The following DOP1B variants were observed in gnomAD, a reference collection of about 807,000 sequenced individuals.
The protein encoded by DOP1B is protein DOP1B.
A neutral mutation model predicts 233.5 loss-of-function variants in DOP1B; 174 were observed. That is an observed-to-expected ratio of 0.75 (90% confidence interval 0.66 to 0.85). The LOEUF is 0.85. Among genes scored for constraint, DOP1B ranks in the 40% least tolerant of loss-of-function variants. The probability of loss-of-function intolerance (pLI) is 0.00; values close to 1 mark genes in which losing one functional copy is unlikely to be tolerated. For synonymous variants in DOP1B, 1,190 were observed against 1,185.6 expected, an observed-to-expected ratio of 1.00 and a Z score of -0.08; for missense variants, 2,652 against 2,846.6, an observed-to-expected ratio of 0.93 and a Z score of 1.56.
intron 2 of DOP1B, chr21:36,170,612 T>C (rs943470179): frequency 1.4e-5 from 2 of 148,060 alleles, no homozygotes; most frequent in Admixed American, 6.8e-5. Context: ...TAAATAAATA[T>C]ATATATATAA....
chr21:36,250,616 C>T (rs2067021924), intron 21 of DOP1B, among the ~76,000 whole-genome samples: 1 of 152,100 alleles, frequency 6.6e-6, no homozygotes, highest in Admixed American at 6.6e-5. Flanking sequence ...TCATAAGTAG[C>T]AAAACAGAGG....
chr21:36,171,706 T>C (rs2065973227), intron 2 of DOP1B, among the ~76,000 whole-genome samples: 1 of 152,220 alleles, frequency 6.6e-6, no homozygotes, highest in African/African-American at 2.4e-5. Context: ...AGCCGCTCTC[T>C]TGACACCTTG....
At chr21:36,196,520 TC>T (rs1037537536) in intron 2 of DOP1B, among the ~76,000 whole-genome samples, 4 of 145,666 alleles carry the variant, frequency 2.7e-5, no homozygotes, top group African/African-American at 1.1e-4. Context: ...TCTCCTCTGT[TC>T]TTTTTTTTTT....
chr21:36,219,941 G>A (rs1181346303), intron 10 of DOP1B, among the ~76,000 whole-genome samples: 1 of 151,766 alleles, frequency 6.6e-6, no homozygotes, highest in South Asian at 2.1e-4. Flanking sequence ...GGGGGTGTTG[G>A]GGGAGATTGG....
chr21:36,216,607 T>A (rs1410097191), intron 9 of DOP1B, among the ~76,000 whole-genome samples: 1 of 152,072 alleles, frequency 6.6e-6, no homozygotes, highest in Admixed American at 6.6e-5. Context: ...TGAGACTCCG[T>A]CTCAAAAAAA....
intron 32 of DOP1B, among the ~76,000 whole-genome samples, chr21:36,282,759 T>C (rs2146250867): frequency 6.6e-6 from 1 of 152,248 alleles, no homozygotes; most frequent in Admixed American, 6.5e-5. Context: ...GTGGATCTCT[T>C]GAGGTCAGGA....
chr21:36,196,028 G>A (rs545122825), intron 2 of DOP1B, among the ~76,000 whole-genome samples: 34 of 152,240 alleles, frequency 2.2e-4, no homozygotes, highest in Non-Finnish European at 3.4e-4. Context: ...TCACGTTGCC[G>A]TGCCTATACT....
At chr21:36,224,385 G>C (rs1031070989) in intron 11 of DOP1B, among the ~76,000 whole-genome samples, 4 of 151,958 alleles carry the variant, frequency 2.6e-5, no homozygotes, top group African/African-American at 9.7e-5. Context: ...TCACCATGTT[G>C]GCCAGGCTGG....
intron 12 of DOP1B, among the ~76,000 whole-genome samples, chr21:36,226,157 A>G (rs1383737490): frequency 6.6e-6 from 1 of 152,198 alleles, no homozygotes; most frequent in East Asian, 1.9e-4. Context: ...ATGCGCTCGT[A>G]ATTCCCAGCT....
Position 36,233,027 on chromosome 21 carries a change from T to C in DOP1B, c.2574T>C (p.Ile858=). The C allele has an allele frequency of 6.2e-7, 1 of 1,614,110 alleles. No homozygotes were observed. Among genetic ancestry groups the C allele is most frequent in the Non-Finnish European group, 8.5e-7 (1 of 1,179,990 alleles). ...TGCAGATGGTGACGGTTCCTCCCATTGCTCCAGGGATATTGAAAGTCATTG... is the reference window on the plus strand; with the variant it reads ...TGCAGATGGTGACGGTTCCTCCCATCGCTCCAGGGATATTGAAAGTCATTG... ...GKLQMVTVPP[I]APGILKVIAE... is the part of the protein sequence containing the mutation. The change falls in exon 15 of 37, where the codon ATT becomes ATC. Residue 858 remains isoleucine (I), a synonymous_variant. Coordinates refer to ENST00000691173, the MANE Select transcript of DOP1B (RefSeq NM_001320714.2).
At chr21:36,215,681 A>T (rs1466511876) in intron 9 of DOP1B, among the ~76,000 whole-genome samples, 1 of 148,228 alleles carries the variant, frequency 6.7e-6, no homozygotes, top group Admixed American at 6.7e-5. Flanking sequence ...CTGGGATTAC[A>T]GGTGTGAGCC....
At chr21:36,189,624 C>T (rs1320134726) in intron 2 of DOP1B, among the ~76,000 whole-genome samples, 2 of 152,022 alleles carry the variant, frequency 1.3e-5, no homozygotes, top group Non-Finnish European at 2.9e-5. Context: ...GCAGCAGAAT[C>T]GCTAGAACCC....
At chr21:36,194,673 G>T (rs2066269155) in intron 2 of DOP1B, among the ~76,000 whole-genome samples, 1 of 151,910 alleles carries the variant, frequency 6.6e-6, no homozygotes, top group Non-Finnish European at 1.5e-5. Context: ...TTTTAGTAGA[G>T]ACAGGGTTTC....
intron 13 of DOP1B, among the ~76,000 whole-genome samples, chr21:36,229,379 A>G (rs2066732062): frequency 6.6e-6 from 1 of 152,110 alleles, no homozygotes; most frequent in African/African-American, 2.4e-5. Flanking sequence ...AATATTCAGC[A>G]TTCCTCGGCT....
intron 35 of DOP1B, among the ~76,000 whole-genome samples, chr21:36,290,651 A>G (rs1156838890): frequency 6.6e-6 from 1 of 152,074 alleles, no homozygotes; most frequent in Non-Finnish European, 1.5e-5. Flanking sequence ...TTAGCTGGGC[A>G]TGGTGGCGTA....
At chr21:36,278,384 GC>G (rs1436564458) in intron 30 of DOP1B, 29 bp downstream of exon 30, 1 of 1,583,406 alleles carries the variant, frequency 6.3e-7, no homozygotes, top group African/African-American at 1.4e-5. Context: ...ATAACAACGT[GC>G]TCTGAATCTT....
chr21:36,260,843 C>G (rs2067161373), intron 24 of DOP1B, 111 bp downstream of exon 24: 1 of 1,547,360 alleles, frequency 6.5e-7, no homozygotes, highest in South Asian at 1.2e-5. Flanking sequence ...AGCCATTGTT[C>G]AGAAAATATC....
At chr21:36,204,547 G>A (rs569635734) in intron 4 of DOP1B, among the ~76,000 whole-genome samples, 89 of 151,996 alleles carry the variant, frequency 5.9e-4, no homozygotes, top group Middle Eastern at 3.4e-3. Flanking sequence ...ACAGTGGCAG[G>A]ATTATAGCTC....
chr21:36,289,346 T>A (rs2067528820), intron 35 of DOP1B, 140 bp downstream of exon 35: 1 of 868,018 alleles, frequency 1.2e-6, no homozygotes, highest in Admixed American at 2.9e-5. Flanking sequence ...CAGCTCGGAA[T>A]ACCAAGTTTC....
Sources: allele counts gnomAD v4.1 joint callset (sites outside exome capture counted in the v4.1 genomes callset), GRCh38; gene constraint gnomAD v4.1.1; transcripts MANE v1.5; gene names NCBI Gene and HGNC (gene_info 2026-07-23, HGNC 2026-07-21).